The following TNS1 variants were observed in gnomAD, a reference collection of about 807,000 sequenced individuals.
TNS1 encodes the protein tensin-1.
A neutral mutation model predicts 168.6 loss-of-function variants in TNS1; 62 were observed. The observed-to-expected ratio is 0.37, with a 90% CI of 0.30 to 0.45. The LOEUF is 0.45. TNS1 is among the 20% of genes least tolerant of loss of function. The pLI, the probability that TNS1 is intolerant of heterozygous loss-of-function variation, is 1.00. For synonymous variants in TNS1, 934 were observed against 933.2 expected, an observed-to-expected ratio of 1.00 and a Z score of -0.02; for missense variants, 2,240 against 2,339.4, an observed-to-expected ratio of 0.96 and a Z score of 0.88.
chr2:217,840,657 G>A (rs1300881612), intron 19 of TNS1, among the ~76,000 whole-genome samples: 1 of 152,238 alleles, frequency 6.6e-6, no homozygotes, highest in East Asian at 1.9e-4. Context: ...GAGCAGCAGG[G>A]GCTGGGGCAC....
intron 1 of TNS1, among the ~76,000 whole-genome samples, chr2:218,009,267 G>A: frequency 6.6e-6 from 1 of 152,150 alleles, no homozygotes; most frequent in Non-Finnish European, 1.5e-5. Flanking sequence ...TCATGATCTT[G>A]GGGTTCTCCT....
intron 22 of TNS1, among the ~76,000 whole-genome samples, chr2:217,828,443 C>A (rs1943922692): frequency 6.6e-6 from 1 of 152,200 alleles, no homozygotes; most frequent in African/African-American, 2.4e-5. Flanking sequence ...GCCAATCGGC[C>A]CAGGGCCCAG....
At chr2:217,999,615 C>G (rs763747884) in intron 1 of TNS1, among the ~76,000 whole-genome samples, 3 of 152,232 alleles carry the variant, frequency 2.0e-5, no homozygotes, top group African/African-American at 7.2e-5. Context: ...TGCAGCCCAG[C>G]CTACCTCCCA....
intron 18 of TNS1, among the ~76,000 whole-genome samples, chr2:217,878,684 C>T (rs1472814020): frequency 6.6e-6 from 1 of 152,118 alleles, no homozygotes; most frequent in Admixed American, 6.5e-5. Context: ...TTCCTCAGGC[C>T]GTGCTGCCCA....
Position 217,832,767 on chromosome 2 carries a change from G to T in TNS1, c.3281-1220C>A, listed in dbSNP as rs574202305. Among the ~76,000 whole-genome samples the T allele has an allele frequency of 5.3e-5, 8 of 152,280 alleles. No individual in the cohort carries two copies. In the East Asian group the frequency reaches 1.2e-3, roughly 22 times the overall value. ...GAACAGGAAGATATCACAGGGGTCCGGATGAGTGGCACACCCCTGCCCTTC... is the reference window on the plus strand; with the variant it reads ...GAACAGGAAGATATCACAGGGGTCCTGATGAGTGGCACACCCCTGCCCTTC... On this transcript the variant is annotated intron_variant, in intron 21 of 32. Coordinates refer to ENST00000682258, the MANE Select transcript of TNS1 (RefSeq NM_001387777.1).
At chr2:217,826,217 G>A (rs976246672) in intron 22 of TNS1, among the ~76,000 whole-genome samples, 10 of 152,168 alleles carry the variant, frequency 6.6e-5, no homozygotes, top group African/African-American at 9.7e-5. Flanking sequence ...AACCCAGAGC[G>A]GGAAGGACCT....
intron 9 of TNS1, among the ~76,000 whole-genome samples, chr2:217,894,589 GGAGGTTGTAGTGAGCT>G (rs1353265423): frequency 6.6e-6 from 1 of 152,144 alleles, no homozygotes; most frequent in East Asian, 1.9e-4. Flanking sequence ...CCCAGGAAGT[GGAGGTTGTAGTGAGCT>G]GAGATCACGC....
chr2:217,922,645 G>A (rs1364040297), intron 3 of TNS1, among the ~76,000 whole-genome samples: 2 of 152,234 alleles, frequency 1.3e-5, no homozygotes, highest in African/African-American at 2.4e-5. Flanking sequence ...TCTCTGAGAC[G>A]AAGAGGAAGG....
At chr2:217,832,541 G>A (rs1228362619) in intron 21 of TNS1, among the ~76,000 whole-genome samples, 1 of 152,192 alleles carries the variant, frequency 6.6e-6, no homozygotes, top group East Asian at 1.9e-4. Context: ...CCTGCCGAAT[G>A]GCCTCAACAG....
chr2:217,957,487 C>G (rs1011939418), intron 3 of TNS1, among the ~76,000 whole-genome samples: 3 of 152,100 alleles, frequency 2.0e-5, no homozygotes, highest in African/African-American at 7.2e-5. Flanking sequence ...AATAAGGACC[C>G]ATCAGAAACA....
chr2:217,816,434 G>T (rs1239738205), intron 24 of TNS1, among the ~76,000 whole-genome samples: 4 of 152,134 alleles, frequency 2.6e-5, no homozygotes, highest in Non-Finnish European at 5.9e-5. Context: ...ACTCCCTTAT[G>T]CTTCTGGGAT....
At chr2:217,871,793 G>T (rs1209283518) in intron 18 of TNS1, among the ~76,000 whole-genome samples, 1 of 152,262 alleles carries the variant, frequency 6.6e-6, no homozygotes, top group Non-Finnish European at 1.5e-5. Context: ...ACAGGCCCGG[G>T]GCTGGCTGGA....
intron 4 of TNS1, among the ~76,000 whole-genome samples, chr2:217,909,099 C>T (rs931035994): frequency 1.7e-4 from 25 of 144,004 alleles, no homozygotes; most frequent in Non-Finnish European, 3.4e-4. Context: ...ACCCCCCACA[C>T]CCCCTCCCCG....
At chr2:217,987,910 C>T (rs905074308) in intron 2 of TNS1, among the ~76,000 whole-genome samples, 3 of 152,180 alleles carry the variant, frequency 2.0e-5, no homozygotes, top group African/African-American at 7.2e-5. Flanking sequence ...CTATCAACCT[C>T]ATGCCATCAT....
chr2:217,905,770 C>T (rs1953605385), intron 6 of TNS1, among the ~76,000 whole-genome samples: 1 of 152,214 alleles, frequency 6.6e-6, no homozygotes, highest in African/African-American at 2.4e-5. Flanking sequence ...ACCCCGAGCC[C>T]TTCTGTGGGA....
At chr2:217,835,929 A>G in intron 20 of TNS1, 86 bp downstream of exon 20, 1 of 1,190,774 alleles carries the variant, frequency 8.4e-7, no homozygotes. Flanking sequence ...TACTGATATC[A>G]GTGCCAAGTT....
intron 18 of TNS1, among the ~76,000 whole-genome samples, chr2:217,868,846 G>A (rs1052747815): frequency 1.3e-5 from 2 of 152,228 alleles, no homozygotes; most frequent in African/African-American, 2.4e-5. Context: ...TCCCAAGGAC[G>A]TGGGTTCCAC....
At chr2:217,819,104 G>A (rs1942414078) in intron 23 of TNS1, among the ~76,000 whole-genome samples, 1 of 152,210 alleles carries the variant, frequency 6.6e-6, no homozygotes, top group Admixed American at 6.5e-5. Context: ...ACTGGAGGTG[G>A]CTGTCATGTT....
chr2:218,010,258 G>A (rs943938302), exon 1 of TNS1: 67 of 398,586 alleles, frequency 1.7e-4, no homozygotes, highest in African/African-American at 1.0e-3. Context: ...GCCGCTCCTG[G>A]CGCAGAGTTC....
Sources: gnomAD v4.1 joint callset for allele counts (sites outside exome capture counted in the v4.1 genomes callset) on GRCh38, gnomAD v4.1.1 for gene constraint, MANE v1.5 for transcripts, NCBI Gene and HGNC (gene_info 2026-07-23, HGNC 2026-07-21) for gene names.